Variants in LRRN2 observed in about 807,000 individuals in gnomAD.
The protein encoded by LRRN2 is leucine-rich repeat neuronal protein 2.
In LRRN2, 10 loss-of-function variants were observed where a neutral mutation model predicts 35.7. That is an observed-to-expected ratio of 0.28 (90% confidence interval 0.17 to 0.47). The LOEUF is 0.47. Ranked by LOEUF, LRRN2 falls within the 20% of genes least tolerant of loss-of-function variation. The pLI is 0.99. For synonymous variants in LRRN2, 391 were observed against 409.6 expected (o/e 0.95, Z 0.55); for missense variants, 731 against 940.3 (o/e 0.78, Z 2.91).
In LRRN2 at chr1:204,673,437, T is replaced by A. The variant is rs574344934; in HGVS notation, c.-227+11883A>T. Among the ~76,000 whole-genome samples, 5 of 152,292 alleles carry A rather than the reference T, an allele frequency of 3.3e-5. No individual in the cohort carries two copies. In the South Asian group the frequency reaches 1.0e-3, roughly 32 times the overall value. On this transcript the variant is annotated intron_variant, in intron 1 of 1. Transcript: ENST00000367177. ...GGGTGTGTTAAACCCATTTTATAGA[T>A]AAGTGAAATGAGGCTCAATGAGAGA...
chr1:204,627,689 C>G (rs1206496731), intron 1 of LRRN2, among the ~76,000 whole-genome samples: 1 of 152,258 alleles, frequency 6.6e-6, no homozygotes, highest in African/African-American at 2.4e-5. Context: ...GGCACGGAGG[C>G]AGCTCCAGGC....
intron 1 of LRRN2, among the ~76,000 whole-genome samples, chr1:204,624,862 C>T (rs1385752385): frequency 1.3e-5 from 2 of 151,536 alleles, no homozygotes; most frequent in East Asian, 1.9e-4. Flanking sequence ...CACAAAGCTG[C>T]GGAGAGAGAT....
At chr1:204,622,207 C>T (rs867655608) in intron 1 of LRRN2, 5 of 167,236 alleles carry the variant, frequency 3.0e-5, no homozygotes, top group Admixed American at 2.6e-4. Flanking sequence ...TGCCTGTTCT[C>T]GTCCCCTGGG....
intron 1 of LRRN2, among the ~76,000 whole-genome samples, chr1:204,635,845 AC>A (rs923497845): frequency 1.3e-5 from 2 of 152,222 alleles, no homozygotes; most frequent in Non-Finnish European, 1.5e-5. Context: ...GGAAGGACCA[AC>A]CTTCCTGCCG....
intron 1 of LRRN2, among the ~76,000 whole-genome samples, chr1:204,649,963 C>T (rs533422144): frequency 6.6e-6 from 1 of 152,324 alleles, no homozygotes; most frequent in Non-Finnish European, 1.5e-5. Flanking sequence ...AGCCAGTAGT[C>T]AATTCCATTC....
At chr1:204,668,365 C>A (rs991620696) in intron 1 of LRRN2, among the ~76,000 whole-genome samples, 5 of 152,116 alleles carry the variant, frequency 3.3e-5, no homozygotes, top group African/African-American at 4.8e-5. Context: ...GAGGCCGAGG[C>A]GGGCAGATCA....
rs191450174 is a variant in LRRN2, at chr1:204,654,316, C to T, written c.-227+31004G>A. ...GTACTGAAATGTTCAAAGCTGTTCACTGAAGATTTATGGGTTTGAATACTG... is the reference window on the plus strand; with the variant it reads ...GTACTGAAATGTTCAAAGCTGTTCATTGAAGATTTATGGGTTTGAATACTG... On this transcript the variant is annotated intron_variant, in intron 1 of 1. Transcript: ENST00000367177. 1.5e-3 allele frequency among the ~76,000 whole-genome samples: 236 copies of T among 152,276 alleles called. 1 individual carries two copies. Among genetic ancestry groups the T allele is most frequent in the African/African-American group, 5.4e-3 (223 of 41,546 alleles).
intron 1 of LRRN2, among the ~76,000 whole-genome samples, chr1:204,683,417 A>C (rs1391646252): frequency 6.6e-6 from 1 of 151,698 alleles, no homozygotes; most frequent in African/African-American, 2.4e-5. Context: ...AAGGGAAGTG[A>C]AGAGTGTTAG....
At chr1:204,680,627 C>T (rs989026296) in intron 1 of LRRN2, among the ~76,000 whole-genome samples, 7 of 152,174 alleles carry the variant, frequency 4.6e-5, no homozygotes, top group African/African-American at 1.7e-4. Context: ...ATGAGGCTAA[C>T]CCCCAGCAGG....
At chr1:204,652,176 G>A (rs1303565317) in intron 1 of LRRN2, among the ~76,000 whole-genome samples, 1 of 152,022 alleles carries the variant, frequency 6.6e-6, no homozygotes, top group African/African-American at 2.4e-5. Context: ...AAGAATGCCT[G>A]AGAGAGAAAG....
At chr1:204,673,579 G>A (rs1161356323) in intron 1 of LRRN2, among the ~76,000 whole-genome samples, 3 of 152,202 alleles carry the variant, frequency 2.0e-5, no homozygotes, top group South Asian at 2.1e-4. Flanking sequence ...TCCCACAAAC[G>A]CACAACAGAT....
In LRRN2 at chr1:204,618,233, A is replaced by C. The variant is rs781700297; in HGVS notation, c.1760T>G (p.Leu587Arg). Residue 587 changes from leucine to arginine, a missense_variant, in exon 2 of 2, where the codon CTC becomes CGC. By Grantham distance (102) the Leu-to-Arg change is moderately radical. Around this residue, in one of 3 missense-constraint regions of LRRN2, gnomAD observed 229 missense variants for 258.4 expected, o/e 0.89. Coordinates refer to ENST00000367177, the MANE Select transcript of LRRN2 (RefSeq NM_201630.2). ...RGTHSYNITRLLQATEYWACL... is the reference protein window; with the variant it reads ...RGTHSYNITRRLQATEYWACL... The stretch of plus-strand genomic sequence containing the variant: ...GGCCCAGTACTCCGTGGCCTGAAGG[A>C]GGCGGGTAATGTTGTAGCTGTGGGT... The C allele has an allele frequency of 6.2e-7, 1 of 1,613,690 alleles. No individual in the cohort carries two copies.
At chr1:204,640,142 A>G (rs1667947511) in intron 1 of LRRN2, among the ~76,000 whole-genome samples, 1 of 152,202 alleles carries the variant, frequency 6.6e-6, no homozygotes, top group African/African-American at 2.4e-5. Context: ...GAGGCTGGGA[A>G]GTCCAAGATC....
intron 1 of LRRN2, among the ~76,000 whole-genome samples, chr1:204,641,316 G>A (rs1667971776): frequency 6.6e-6 from 1 of 152,090 alleles, no homozygotes; most frequent in Non-Finnish European, 1.5e-5. Flanking sequence ...TTACCTTCCT[G>A]AATACACACA....
intron 1 of LRRN2, among the ~76,000 whole-genome samples, chr1:204,639,895 C>G (rs1300679331): frequency 2.0e-5 from 3 of 152,024 alleles, no homozygotes; most frequent in Non-Finnish European, 4.4e-5. Flanking sequence ...ATGCTCTTAA[C>G]AAATCATATT....
chr1:204,642,721 A>T (rs536049397), intron 1 of LRRN2, among the ~76,000 whole-genome samples: 1 of 152,352 alleles, frequency 6.6e-6, no homozygotes, highest in Middle Eastern at 3.4e-3. Context: ...AGAAGTCATT[A>T]CCCACACAAT....
rs556497833 is a variant in LRRN2, at chr1:204,678,115, A to G, written c.-227+7205T>C. On this transcript the variant is annotated intron_variant, in intron 1 of 1. Transcript: ENST00000367177. The stretch of plus-strand genomic sequence containing the variant: ...CGTTCCCTATATAACTCCCACACAG[A>G]GCTCACAGTTCTGATAACATTTATA... Among the ~76,000 whole-genome samples, 13 of 152,286 alleles carry G rather than the reference A, an allele frequency of 8.5e-5. No homozygotes were observed. In the East Asian group the frequency reaches 2.1e-3, roughly 25 times the overall value.
At chr1:204,680,496 A>G (rs1282109312) in intron 1 of LRRN2, among the ~76,000 whole-genome samples, 1 of 152,238 alleles carries the variant, frequency 6.6e-6, no homozygotes, top group Admixed American at 6.5e-5. Context: ...CAGCCCCCTC[A>G]GGCCAAGGCG....
chr1:204,661,389 C>T (rs958196318), intron 1 of LRRN2, among the ~76,000 whole-genome samples: 15 of 152,044 alleles, frequency 9.9e-5, no homozygotes, highest in East Asian at 3.9e-4. Context: ...CTCAAGTTGC[C>T]CACGTGATTT....
Sources: allele counts gnomAD v4.1 joint callset (sites outside exome capture counted in the v4.1 genomes callset), GRCh38; gene constraint gnomAD v4.1.1; regional missense constraint gnomAD v4.1.1; transcripts MANE v1.5; gene names NCBI Gene and HGNC (gene_info 2026-07-23, HGNC 2026-07-21).